HEATR4: variants seen among roughly 807,000 people sequenced by gnomAD.
HEATR4 encodes the protein HEAT repeat-containing protein 4.
A neutral mutation model predicts 108.8 loss-of-function variants in HEATR4; 95 were observed. The observed-to-expected ratio is 0.87, with a 90% CI of 0.74 to 1.04. The LOEUF is 1.04. Ranked by LOEUF, HEATR4 falls within the 50% of genes least tolerant of loss-of-function variation. The pLI, the probability that HEATR4 is intolerant of heterozygous loss-of-function variation, is 0.00. For synonymous variants in HEATR4, 443 were observed against 459.4 expected (o/e 0.96, Z 0.46); for missense variants, 1,152 against 1,253.8 (o/e 0.92, Z 1.23).
In HEATR4 at chr14:73,523,144, C is replaced by T. The variant is rs1216540965; in HGVS notation, c.9G>A (p.Arg3=). 3 of 1,591,520 alleles carry T rather than the reference C, an allele frequency of 1.9e-6. No homozygotes were observed. Among genetic ancestry groups the T allele is most frequent in the Admixed American group, 1.7e-5 (1 of 57,846 alleles). MT[R]TQKGKTFLPH... is the part of the protein sequence containing the mutation. ...GGAGAAAGGTCTTTCCCTTCTGGGT[C>T]CTGGTCATACCGCGTCCCAGCAAAT... is the stretch of plus-strand genomic sequence containing the variant. The change falls in exon 3 of 18, where the codon AGG becomes AGA. Residue 3 remains arginine, a synonymous_variant. Transcript: ENST00000553558.
intron 10 of HEATR4, among the ~76,000 whole-genome samples, chr14:73,503,924 TGCTA>T (rs1350279472): frequency 6.6e-6 from 1 of 152,182 alleles, no homozygotes; most frequent in Non-Finnish European, 1.5e-5. Flanking sequence ...CCTCAACCCC[TGCTA>T]GCTCTGCATG....
Position 73,502,944 on chromosome 14 carries a change from G to A in HEATR4, c.2056C>T (p.Gln686Ter), listed in dbSNP as rs934230619. 6.2e-7 allele frequency: 1 copy of A among 1,613,964 alleles called. No homozygotes were observed. Among genetic ancestry groups the A allele is most frequent in the African/African-American group, 1.3e-5 (1 of 74,934 alleles). ...WNKEVRRAAA[Q>*]ALGQMSLGKE... ...CCGAGGCTCATTTGCCCAAGCGCCT[G>A]TGCAGCTGCTCTCCTCACTTCCTTA... Residue 686 changes from glutamine (Q) to a stop codon, truncating the protein, a stop_gained, in exon 11 of 18, where the codon CAG (glutamine) becomes TAG (stop). Coordinates refer to ENST00000553558, the MANE Select transcript of HEATR4 (RefSeq NM_001220484.1). LOFTEE classifies it high-confidence loss of function.
chr14:73,583,342 C>G, the HEATR4 span, among the ~76,000 whole-genome samples: 1 of 96,534 alleles, frequency 1.0e-5, no homozygotes, highest in South Asian at 4.0e-4. Context: ...GAGTGAGACT[C>G]CGTCTCAAAA....
At chr14:73,623,486 C>A in the HEATR4 span, among the ~76,000 whole-genome samples, 2 of 151,998 alleles carry the variant, frequency 1.3e-5, no homozygotes, top group Non-Finnish European at 2.9e-5. Context: ...GAGTTTGAGA[C>A]CAGCTTGAGC....
chr14:73,593,339 T>TTC, the HEATR4 span, among the ~76,000 whole-genome samples: 3 of 68,896 alleles, frequency 4.4e-5, no homozygotes, highest in African/African-American at 2.9e-4. Context: ...TTTCTTTCTT[T>TTC]TTTTTTTTTT....
chr14:73,600,252 T>A, the HEATR4 span, among the ~76,000 whole-genome samples: 1 of 152,194 alleles, frequency 6.6e-6, no homozygotes. Context: ...CAATTTACTC[T>A]CTGTGAGTTG....
At chr14:73,606,528 G>T in the HEATR4 span, among the ~76,000 whole-genome samples, 2 of 152,126 alleles carry the variant, frequency 1.3e-5, no homozygotes, top group African/African-American at 4.8e-5. Flanking sequence ...ATCTAGCAGT[G>T]GCCAAGGTGA....
chr14:73,492,067 G>C lies in HEATR4; in HGVS notation c.2844+999C>G. The C allele has an allele frequency of 1.2e-6, 2 of 1,614,028 alleles. No individual in the cohort carries two copies. Among genetic ancestry groups the C allele is most frequent in the Non-Finnish European group, 1.7e-6 (2 of 1,179,902 alleles). On this transcript the variant is annotated intron_variant, in intron 17 of 17. Coordinates refer to ENST00000553558, the MANE Select transcript of HEATR4 (RefSeq NM_001220484.1). The surrounding 1 kb of genome is among the most constrained non-coding windows in gnomAD (Gnocchi z 4.9). The stretch of plus-strand genomic sequence containing the variant: ...ACGACATCGAGGCCTTCGTGCTGCA[G>C]CTGGAAGGTAGGAAACTCTGGCGTG...
the HEATR4 span, among the ~76,000 whole-genome samples, chr14:73,605,475 G>A: frequency 6.7e-6 from 1 of 148,292 alleles, no homozygotes; most frequent in Non-Finnish European, 1.5e-5. Flanking sequence ...AAACCTCCTC[G>A]CCTGGGAACT....
At chr14:73,586,037 G>A in the HEATR4 span, among the ~76,000 whole-genome samples, 3 of 145,930 alleles carry the variant, frequency 2.1e-5, no homozygotes, top group South Asian at 2.1e-4. Flanking sequence ...AAAAAAAAAC[G>A]TAAACTGCCA....
At chr14:73,546,809 G>A (rs781064393) in intron 1 of HEATR4, among the ~76,000 whole-genome samples, 1 of 110,972 alleles carries the variant, frequency 9.0e-6, no homozygotes, top group African/African-American at 2.8e-5. Flanking sequence ...AACAGAGGTT[G>A]GGTGCAGTGG....
chr14:73,589,509 G>A, the HEATR4 span, among the ~76,000 whole-genome samples: 1 of 152,010 alleles, frequency 6.6e-6, no homozygotes, highest in African/African-American at 2.4e-5. Context: ...TAGTGGAGGC[G>A]GGTTTCACCA....
chr14:73,578,402 G>A, the HEATR4 span, among the ~76,000 whole-genome samples: 1 of 151,522 alleles, frequency 6.6e-6, no homozygotes, highest in Non-Finnish European at 1.5e-5. Context: ...GCTAATTTTT[G>A]TATTTTTGCA....
At chr14:73,511,736 G>A (rs1255621419) in intron 7 of HEATR4, among the ~76,000 whole-genome samples, 1 of 151,896 alleles carries the variant, frequency 6.6e-6, no homozygotes, top group African/African-American at 2.4e-5. Context: ...AAAAAGAATG[G>A]GATCTTCAAG....
chr14:73,529,008 G>C (rs1392249949), intron 2 of HEATR4: 1 of 152,150 alleles, frequency 6.6e-6, no homozygotes, highest in Non-Finnish European at 1.5e-5. Context: ...TAGCCCTCTA[G>C]AACCAAAAGC....
chr14:73,563,819 A>C (rs1221186885), upstream of HEATR4, among the ~76,000 whole-genome samples: 1 of 151,786 alleles, frequency 6.6e-6, no homozygotes. Context: ...ATAAATAAAT[A>C]AATGGTTAAA....
upstream of HEATR4, among the ~76,000 whole-genome samples, chr14:73,559,661 G>A (rs1424401151): frequency 2.0e-5 from 3 of 151,968 alleles, no homozygotes; most frequent in Admixed American, 2.0e-4. Flanking sequence ...AGAATCGCTT[G>A]GACCCAGGAA....
At chr14:73,573,550 A>G in the HEATR4 span, 1 of 1,613,708 alleles carries the variant, frequency 6.2e-7, no homozygotes, top group Non-Finnish European at 8.5e-7. Context: ...CATCTGGAGT[A>G]CTTTGAAGAA....
chr14:73,509,897 GGAGTC>G (rs1887133850), intron 7 of HEATR4, among the ~76,000 whole-genome samples: 1 of 126,514 alleles, frequency 7.9e-6, no homozygotes, highest in Non-Finnish European at 1.6e-5. Flanking sequence ...TTTTTGAGAC[GGAGTC>G]TTGTTCTGTC....
Sources: allele counts gnomAD v4.1 joint callset (sites outside exome capture counted in the v4.1 genomes callset), GRCh38; gene constraint gnomAD v4.1.1; non-coding constraint Gnocchi (gnomAD v3.1); transcripts MANE v1.5; gene names NCBI Gene and HGNC (gene_info 2026-07-23, HGNC 2026-07-21).